TPR: variants seen among roughly 807,000 people sequenced by gnomAD.
TPR encodes translocated promoter region, nuclear basket protein.
Under a neutral mutation model 316.1 loss-of-function variants are expected in TPR, and 51 were observed. The ratio of observed to expected loss-of-function variants is 0.16; its 90% confidence interval spans 0.13 to 0.20. TPR has a LOEUF of 0.20. Among genes scored for constraint, TPR ranks in the 10% least tolerant of loss-of-function variants. The pLI is 1.00. For missense variants in TPR, 2,272 were observed against 2,754.8 expected, an observed-to-expected ratio of 0.82 and a Z score of 3.92; for synonymous variants, 981 against 914.7, an observed-to-expected ratio of 1.07 and a Z score of -1.31.
At chr1:186,355,853 T>C in intron 15 of TPR, 85 bp from the exon 16 acceptor site, 1 of 1,467,236 alleles carries the variant, frequency 6.8e-7, no homozygotes, top group Non-Finnish European at 9.3e-7. Context: ...AATACACTAT[T>C]ATCAAATAAA....
Position 186,353,821 on chromosome 1 carries a change from C to A in TPR, c.2201G>T (p.Gly734Val). 6.2e-7 allele frequency: 1 copy of A among 1,613,738 alleles called. No homozygotes were observed. Among genetic ancestry groups the A allele is most frequent in the Non-Finnish European group, 8.5e-7 (1 of 1,179,924 alleles). Residue 734 changes from glycine to valine, a missense_variant, in exon 18 of 51, where the codon GGA becomes GTA. Transcript: ENST00000367478. ...AAGTGATGTTATTTCTCGACGATATCCTTCAACATTATCTTGCAGCATTTC... is the reference window on the plus strand; with the variant it reads ...AAGTGATGTTATTTCTCGACGATATACTTCAACATTATCTTGCAGCATTTC... ...RYEMLQDNVE[G>V]YRREITSLHE...
intron 40 of TPR, 44 bp from the exon 41 acceptor site, chr1:186,326,279 GC>G (rs774034961): frequency 6.4e-7 from 1 of 1,560,064 alleles, no homozygotes; most frequent in South Asian, 1.2e-5. Flanking sequence ...TTAGAATATG[GC>G]CCACATGCTC....
At position 186,312,217 on chromosome 1, in the gene TPR, A is replaced by T; in HGVS notation, c.*1754T>A. 1 of 1,614,096 alleles carries T rather than the reference A, an allele frequency of 6.2e-7. No homozygotes were observed. The highest frequency in any genetic ancestry group is 8.5e-7 in the Non-Finnish European group (1 of 1,179,946). On this transcript the variant is annotated 3_prime_UTR_variant, in exon 51 of 51. Coordinates refer to ENST00000367478, the MANE Select transcript of TPR (RefSeq NM_003292.3). ...TATATTTATAAACAGGAACCTGTAC[A>T]GAAGTGCCCTGGAAGAAGGCCTGCT...
chr1:186,312,666 A>C lies in TPR; in HGVS notation c.*1305T>G, dbSNP rs1657355827. On this transcript the variant is annotated 3_prime_UTR_variant, in exon 51 of 51. Coordinates refer to ENST00000367478, the MANE Select transcript of TPR (RefSeq NM_003292.3). Reference sequence around the variant, plus strand: ...AGTCTATAACCCTCAATAGTTCTACATCAGAGGGCTAAAACTGAGATTAAA... The same window carrying C: ...AGTCTATAACCCTCAATAGTTCTACCTCAGAGGGCTAAAACTGAGATTAAA... 1.6e-6 allele frequency: 2 copies of C among 1,244,834 alleles called. No individual in the cohort carries two copies. Among genetic ancestry groups the C allele is most frequent in the Admixed American group, 1.7e-5 (1 of 58,854 alleles). 77.1% of individuals were successfully genotyped at this position (1,244,834 alleles called of 1,614,324 possible). A position where few individuals can be genotyped will look rare whatever the true frequency, so the allele number is the denominator to read the frequency against.
chr1:186,317,767 G>A (rs920833573), intron 48 of TPR, among the ~76,000 whole-genome samples, 167 bp from the exon 49 acceptor site: 7 of 152,148 alleles, frequency 4.6e-5, no homozygotes, highest in Non-Finnish European at 5.9e-5. Flanking sequence ...GAGCAGGGGG[G>A]AAAAGAGCTC....
chr1:186,317,570 A>G lies in TPR; in HGVS notation c.6852T>C (p.Asp2284=), dbSNP rs1008641399. 1.9e-6 allele frequency: 3 copies of G among 1,613,948 alleles called. No homozygotes were observed. The highest frequency in any genetic ancestry group is 2.7e-5 in the African/African-American group (2 of 74,910). ...GISSEAGLEI[D]SQQEEEPVQA... ...GAACCGGCTCTTCTTCCTGCTGGCTATCAATTTCTAGGCCTGCTTCTGAAC... is the reference window on the plus strand; with the variant it reads ...GAACCGGCTCTTCTTCCTGCTGGCTGTCAATTTCTAGGCCTGCTTCTGAAC... Residue 2284 remains aspartate, a synonymous_variant, in exon 49 of 51, where the codon GAT becomes GAC. Coordinates refer to ENST00000367478, the MANE Select transcript of TPR (RefSeq NM_003292.3).
Position 186,362,958 on chromosome 1 carries a change from C to T in TPR, c.575G>A (p.Ser192Asn). Residue 192 changes from serine to asparagine, a missense_variant, in exon 6 of 51, where the codon AGT becomes AAT. Physicochemically the swap from Ser to Asn is conservative, Grantham distance 46. This residue lies in a region of TPR where 549 missense variants were observed against 598.6 expected (regional missense o/e 0.92). Coordinates refer to ENST00000367478, the MANE Select transcript of TPR (RefSeq NM_003292.3). ...RLEQEKELLH[S>N]QNTWLNTELK... ...CTCTGTATTCAGCCATGTATTCTGACTATGTAGCAATTCCTTTTCTTGCTC... is the reference window on the plus strand; with the variant it reads ...CTCTGTATTCAGCCATGTATTCTGATTATGTAGCAATTCCTTTTCTTGCTC... 1 of 1,607,940 alleles carries T rather than the reference C, an allele frequency of 6.2e-7. No homozygotes were observed. Among genetic ancestry groups the T allele is most frequent in the Non-Finnish European group, 8.5e-7 (1 of 1,178,452 alleles).
chr1:186,374,829 G>A, intron 1 of TPR, 49 bp downstream of exon 1: 1 of 1,552,974 alleles, frequency 6.4e-7, no homozygotes, highest in Non-Finnish European at 8.8e-7. Context: ...CAGACCCAAA[G>A]GGCGGGAGTC....
At chr1:186,336,347 CAACT>C in intron 33 of TPR, 145 bp downstream of exon 33, 1 of 724,560 alleles carries the variant, frequency 1.4e-6, no homozygotes, top group Non-Finnish European at 2.2e-6. Context: ...TCTTTGTGTC[CAACT>C]AATTATTCCT....
chr1:186,317,714 A>C, intron 48 of TPR, 114 bp from the exon 49 acceptor site: 1 of 877,748 alleles, frequency 1.1e-6, no homozygotes, highest in Non-Finnish European at 1.7e-6. Context: ...CCCTTAAACA[A>C]AAAATTATAG....
At chr1:186,364,232 G>C (rs1397232216) in intron 4 of TPR, among the ~76,000 whole-genome samples, 1 of 152,118 alleles carries the variant, frequency 6.6e-6, no homozygotes, top group Non-Finnish European at 1.5e-5. Context: ...TGCCACTAGT[G>C]ATGTTGGAAG....
At position 186,337,247 on chromosome 1, in the gene TPR, G is replaced by C. The variant is rs1658366889; in HGVS notation, c.4363-91C>G. 3.5e-6 allele frequency: 5 copies of C among 1,431,862 alleles called. No individual in the cohort carries two copies. In the African/African-American group the frequency reaches 7.2e-5, roughly 21 times the overall value. The allele number at this position is 1,431,862 out of a possible 1,614,324, so 88.7% of individuals were successfully genotyped here. On this transcript the variant is annotated intron_variant, in intron 31 of 50. Coordinates refer to ENST00000367478, the MANE Select transcript of TPR (RefSeq NM_003292.3). The stretch of plus-strand genomic sequence containing the variant: ...TGTCTAAGAAAATAATCACAGCTTT[G>C]CAAAGAAATTTTATCCCTGAAGGTA...
In TPR at chr1:186,336,608, A is replaced by T; in HGVS notation, c.4593T>A (p.Asp1531Glu). 1 of 1,613,886 alleles carries T rather than the reference A, an allele frequency of 6.2e-7. No individual in the cohort carries two copies. The highest frequency in any genetic ancestry group is 8.5e-7 in the Non-Finnish European group (1 of 1,179,896). Reference protein sequence around the residue: ...LQSELSRLRQDLQDRTTQEEQ... With the variant: ...LQSELSRLRQELQDRTTQEEQ... The stretch of plus-strand genomic sequence containing the variant: ...CCTCCTGTGTGGTTCTATCTTGAAG[A>T]TCCTGACGAAGTCGTGAAAGTTCAG... The change falls in exon 33 of 51, where the codon GAT becomes GAA. Residue 1531 changes from aspartate (D) to glutamate (E), a missense_variant. By Grantham distance (45) the Asp-to-Glu change is conservative. This residue lies in a region of TPR where 101 missense variants were observed against 113.0 expected (regional missense o/e 0.89). Coordinates refer to ENST00000367478, the MANE Select transcript of TPR (RefSeq NM_003292.3).
chr1:186,337,378 T>TA (rs2102069122), intron 31 of TPR, among the ~76,000 whole-genome samples: 1 of 152,280 alleles, frequency 6.6e-6, no homozygotes, highest in South Asian at 2.1e-4. Flanking sequence ...AATGATGCAT[T>TA]ATAGTTGAAT....
rs918845902 is a variant in TPR, at chr1:186,357,641, A to G, written c.1498-18T>C. The G allele has an allele frequency of 8.7e-6, 14 of 1,602,656 alleles. No homozygotes were observed. The highest frequency in any genetic ancestry group is 6.7e-5 in the African/African-American group (5 of 74,262). On this transcript the variant is annotated intron_variant, in intron 13 of 50. Transcript: ENST00000367478. ...ACTCTAATCTAAAAACAAAGTTTTA[A>G]TATGTTATAAAATAGTATTAGTTAC...
chr1:186,335,190 C>CA (rs566603419), intron 34 of TPR, 61 bp from the exon 35 acceptor site: 2 of 1,564,096 alleles, frequency 1.3e-6, no homozygotes, highest in East Asian at 2.3e-5. Context: ...AAAAATGCCA[C>CA]AAAAAAATTG....
chr1:186,329,196 A>C (rs557192125), intron 39 of TPR, among the ~76,000 whole-genome samples: 1 of 152,218 alleles, frequency 6.6e-6, no homozygotes, highest in Non-Finnish European at 1.5e-5. Flanking sequence ...TTCAAGAAAA[A>C]GCTTTTGCAG....
At chr1:186,354,674 C>T (rs908427889) in intron 17 of TPR, among the ~76,000 whole-genome samples, 2 of 152,090 alleles carry the variant, frequency 1.3e-5, no homozygotes, top group African/African-American at 4.8e-5. Context: ...AACAAATAAT[C>T]ATGAAATATT....
intron 30 of TPR, among the ~76,000 whole-genome samples, chr1:186,338,702 T>C (rs1163776428): frequency 1.3e-5 from 2 of 152,220 alleles, no homozygotes; most frequent in Non-Finnish European, 2.9e-5. Flanking sequence ...TCTTAGCTTA[T>C]AGGCTGTACA....
Sources: allele counts gnomAD v4.1 joint callset (sites outside exome capture counted in the v4.1 genomes callset), GRCh38; gene constraint gnomAD v4.1.1; regional missense constraint gnomAD v4.1.1; transcripts MANE v1.5; gene names NCBI Gene and HGNC (gene_info 2026-07-23, HGNC 2026-07-21).